Variants in SRGAP1 observed in about 807,000 individuals in gnomAD.
The protein encoded by SRGAP1 is SLIT-ROBO Rho GTPase activating protein 1.
In SRGAP1, 43 loss-of-function variants were observed where a neutral mutation model predicts 121.9. The ratio of observed to expected loss-of-function variants is 0.35; its 90% CI spans 0.28 to 0.46. The LOEUF (loss-of-function observed/expected upper bound fraction) is 0.46, where lower values mean the gene tolerates loss of function less well. SRGAP1 is among the 20% of genes least tolerant of loss of function. The pLI is 1.00. For missense variants in SRGAP1, 1,102 were observed against 1,350.9 expected (o/e 0.82, Z 2.89); for synonymous variants, 447 against 485.4 (o/e 0.92, Z 1.04).
intron 6 of SRGAP1, among the ~76,000 whole-genome samples, chr12:64,045,202 C>A (rs1357485218): frequency 6.6e-6 from 1 of 151,926 alleles, no homozygotes; most frequent in African/African-American, 2.4e-5. Flanking sequence ...TCTTCCAGCA[C>A]CCTAATGAAA....
At position 64,157,050 on chromosome 12, in the gene SRGAP1, G is replaced by A. The variant is rs559950729; in HGVS notation, c.*14378G>A. 6.6e-6 allele frequency: 1 copy of A among 152,264 alleles called. No individual in the cohort carries two copies. Among genetic ancestry groups the A allele is most frequent in the East Asian group, 1.9e-4 (1 of 5,194 alleles). 9.4% of individuals were successfully genotyped at this position (152,264 alleles called of 1,614,324 possible). On this transcript the variant is annotated 3_prime_UTR_variant, in exon 22 of 22. Transcript: ENST00000355086. Reference sequence around the variant, plus strand: ...AAGGGGGCATTCTTGGCAGGAGAAAGGGTGTTACATGGAAAGATCAGCGAT... The same window carrying A: ...AAGGGGGCATTCTTGGCAGGAGAAAAGGTGTTACATGGAAAGATCAGCGAT...
chr12:63,986,785 G>C (rs553509620), intron 2 of SRGAP1, among the ~76,000 whole-genome samples: 1 of 152,270 alleles, frequency 6.6e-6, no homozygotes, highest in Non-Finnish European at 1.5e-5. Flanking sequence ...GGCTGTGAAG[G>C]GAAAATATGG....
intron 1 of SRGAP1, among the ~76,000 whole-genome samples, chr12:63,917,822 A>G (rs1051856032): frequency 6.6e-6 from 1 of 151,734 alleles, no homozygotes. Context: ...GTACACACCA[A>G]TTTCCCACGC....
At chr12:64,092,687 C>T (rs555323745) in intron 12 of SRGAP1, among the ~76,000 whole-genome samples, 1 of 152,082 alleles carries the variant, frequency 6.6e-6, no homozygotes, top group Admixed American at 6.6e-5. Context: ...CCTATTTTCC[C>T]AGCCCCTGGC....
At chr12:64,060,382 A>T (rs185010582) in intron 6 of SRGAP1, among the ~76,000 whole-genome samples, 367 of 151,508 alleles carry the variant, frequency 2.4e-3, no homozygotes, top group South Asian at 0.011. Context: ...AATTTTTAAA[A>T]TTTTTTGTAG....
chr12:64,015,300 C>A (rs11175230), intron 3 of SRGAP1, among the ~76,000 whole-genome samples: 2,862 of 152,218 alleles, frequency 0.019, 91 homozygotes, highest in African/African-American at 0.064. Context: ...TCTCAATAAT[C>A]AAGACATAGG....
intron 1 of SRGAP1, chr12:63,878,976 T>A (rs1054438297): frequency 1.3e-5 from 2 of 152,192 alleles, no homozygotes; most frequent in Non-Finnish European, 2.9e-5. Flanking sequence ...GAAGGCTAAA[T>A]GATTTTTGAA....
chr12:64,132,594 CCA>C (rs1396408214), intron 21 of SRGAP1, among the ~76,000 whole-genome samples: 7 of 152,228 alleles, frequency 4.6e-5, no homozygotes, highest in African/African-American at 1.7e-4. Flanking sequence ...AGGCCCCACA[CCA>C]CTGGACCTCT....
intron 1 of SRGAP1, among the ~76,000 whole-genome samples, chr12:63,856,000 G>A (rs1394686776): frequency 6.6e-6 from 1 of 151,768 alleles, no homozygotes; most frequent in Non-Finnish European, 1.5e-5. Flanking sequence ...GCTCATGCCT[G>A]TAATCCCAGC....
intron 6 of SRGAP1, among the ~76,000 whole-genome samples, chr12:64,046,015 G>C (rs981961384): frequency 6.6e-6 from 1 of 152,136 alleles, no homozygotes; most frequent in Non-Finnish European, 1.5e-5. Context: ...CTTTTGATGG[G>C]GTGTCCAGGA....
intron 1 of SRGAP1, among the ~76,000 whole-genome samples, chr12:63,968,127 A>G (rs2032839171): frequency 6.6e-6 from 1 of 152,202 alleles, no homozygotes; most frequent in African/African-American, 2.4e-5. Flanking sequence ...CACCATTTAC[A>G]TTGCTGCCAC....
intron 1 of SRGAP1, among the ~76,000 whole-genome samples, chr12:63,937,172 A>C (rs1387554640): frequency 1.3e-5 from 2 of 152,212 alleles, no homozygotes; most frequent in Admixed American, 1.3e-4. Context: ...TTGGTTGGTC[A>C]TGATAACTGC....
At position 64,111,837 on chromosome 12, in the gene SRGAP1, T is replaced by G; in HGVS notation, c.1995T>G (p.Pro665=). The G allele has an allele frequency of 6.2e-7, 1 of 1,614,134 alleles. No homozygotes were observed. Among genetic ancestry groups the G allele is most frequent in the Non-Finnish European group, 8.5e-7 (1 of 1,179,998 alleles). The change falls in exon 17 of 22, where the codon CCT becomes CCG. Residue 665 remains proline, a synonymous_variant. Coordinates refer to ENST00000355086, the MANE Select transcript of SRGAP1 (RefSeq NM_020762.4). The stretch of plus-strand genomic sequence containing the variant: ...TTTGCTTTGGCCCAACATTGATGCC[T>G]GTCCCAGAAATACAGGATCAAGTGT... ...LAICFGPTLM[P]VPEIQDQVSC...
intron 1 of SRGAP1, among the ~76,000 whole-genome samples, chr12:63,930,157 G>A (rs1455138295): frequency 6.6e-6 from 1 of 152,002 alleles, no homozygotes; most frequent in African/African-American, 2.4e-5. Flanking sequence ...GCTTCATTTT[G>A]TTTTCACAGA....
chr12:63,992,003 G>A (rs1359376337), intron 3 of SRGAP1, among the ~76,000 whole-genome samples: 1 of 152,200 alleles, frequency 6.6e-6, no homozygotes, highest in African/African-American at 2.4e-5. Flanking sequence ...CTCAGAAAGG[G>A]GAACACTTGA....
At chr12:64,063,523 G>A (rs2035486802) in intron 7 of SRGAP1, among the ~76,000 whole-genome samples, 1 of 152,058 alleles carries the variant, frequency 6.6e-6, no homozygotes, top group Non-Finnish European at 1.5e-5. Context: ...TATGTGGCAG[G>A]AAAATGGAAG....
chr12:63,844,998 C>T lies in SRGAP1; in HGVS notation c.67+115C>T. The T allele has an allele frequency of 2.8e-6, 3 of 1,057,414 alleles. No homozygotes were observed. Among genetic ancestry groups the T allele is most frequent in the Non-Finnish European group, 4.4e-6 (3 of 686,144 alleles). The allele number at this position is 1,057,414 out of a possible 1,614,324, so 65.5% of individuals were successfully genotyped here. ...GGAGGAAGGTGGTGAGGGGACAGCT[C>T]GAGCCCTGTCTGAGCCACCTGGGCT... On this transcript the variant is annotated intron_variant, in intron 1 of 21. Coordinates refer to ENST00000355086, the MANE Select transcript of SRGAP1 (RefSeq NM_020762.4). This position sits in a 1 kb window ranked among gnomAD's most constrained non-coding sequence, Gnocchi z 4.3.
intron 1 of SRGAP1, among the ~76,000 whole-genome samples, chr12:63,971,747 TA>T (rs1295622869): frequency 6.6e-6 from 1 of 151,992 alleles, no homozygotes. Flanking sequence ...TGTGTGGGTA[TA>T]GGGGTGTGTG....
In SRGAP1 at chr12:64,154,370, T is replaced by C. The variant is rs1277367045; in HGVS notation, c.*11698T>C. The C allele has an allele frequency of 6.6e-6, 1 of 151,984 alleles. No individual in the cohort carries two copies. Among genetic ancestry groups the C allele is most frequent in the Non-Finnish European group, 1.5e-5 (1 of 68,022 alleles). The allele number at this position is 151,984 out of a possible 1,614,324, so 9.4% of individuals were successfully genotyped here. A position where few individuals can be genotyped will look rare whatever the true frequency, so the allele number is the denominator to read the frequency against. On this transcript the variant is annotated 3_prime_UTR_variant, in exon 22 of 22. Transcript: ENST00000355086. ...GGGTGGGGAGGAGCTTGGGAAGGAA[T>C]GGCATGAGGGAAGTGAGAGACCACA...
Sources: allele counts gnomAD v4.1 joint callset (sites outside exome capture counted in the v4.1 genomes callset), GRCh38; gene constraint gnomAD v4.1.1; non-coding constraint Gnocchi (gnomAD v3.1); transcripts MANE v1.5; gene names NCBI Gene and HGNC (gene_info 2026-07-23, HGNC 2026-07-21).